Variants in SYNDIG1 observed in about 807,000 individuals in gnomAD.
SYNDIG1 encodes synapse differentiation inducing 1.
Under a neutral mutation model 19.4 loss-of-function variants are expected in SYNDIG1, and 9 were observed. That is an observed-to-expected ratio of 0.46 (90% CI 0.28 to 0.81). SYNDIG1 has a LOEUF of 0.81. Ranked by LOEUF, SYNDIG1 falls within the 30% of genes least tolerant of loss-of-function variation. The pLI, the probability that SYNDIG1 is intolerant of heterozygous loss-of-function variation, is 0.12. For synonymous variants in SYNDIG1, 141 were observed against 145.9 expected (o/e 0.97, Z 0.24); for missense variants, 311 against 343.3 (o/e 0.91, Z 0.74).
At chr20:24,596,283 C>T (rs1000713217) in intron 3 of SYNDIG1, among the ~76,000 whole-genome samples, 3 of 152,126 alleles carry the variant, frequency 2.0e-5, no homozygotes, top group Admixed American at 6.5e-5. Flanking sequence ...ATTTTCCTTG[C>T]ATTGATTTTT....
At chr20:24,554,620 G>A (rs1206494001) in intron 2 of SYNDIG1, among the ~76,000 whole-genome samples, 3 of 152,192 alleles carry the variant, frequency 2.0e-5, no homozygotes, top group Non-Finnish European at 2.9e-5. Context: ...TCATTTGCGT[G>A]TATTGAACCA....
At chr20:24,555,000 C>G (rs1368771013) in intron 2 of SYNDIG1, among the ~76,000 whole-genome samples, 2 of 152,274 alleles carry the variant, frequency 1.3e-5, no homozygotes, top group South Asian at 2.1e-4. Flanking sequence ...TTGGTCTATT[C>G]AGAGATTCAG....
intron 2 of SYNDIG1, among the ~76,000 whole-genome samples, chr20:24,550,272 G>A (rs139477099): frequency 4.1e-4 from 63 of 152,252 alleles, no homozygotes; most frequent in Admixed American, 1.2e-3. Flanking sequence ...TGGATATTGC[G>A]AATAGCACTG....
At chr20:24,660,731 G>T (rs1600841799) in intron 3 of SYNDIG1, among the ~76,000 whole-genome samples, 1 of 152,246 alleles carries the variant, frequency 6.6e-6, no homozygotes, top group East Asian at 1.9e-4. Context: ...GCTTCAGCCT[G>T]CTGGCACAGG....
intron 1 of SYNDIG1, among the ~76,000 whole-genome samples, chr20:24,470,899 C>T (rs1235654105): frequency 6.6e-6 from 1 of 151,918 alleles, no homozygotes; most frequent in Non-Finnish European, 1.5e-5. Flanking sequence ...ATGCCTGCGC[C>T]TTCCCTGGCC....
rs538548431 is a variant in SYNDIG1, at chr20:24,577,600, C to T, written c.481-7256C>T. Among the ~76,000 whole-genome samples the T allele has an allele frequency of 2.0e-5, 3 of 152,360 alleles. No homozygotes were observed. In the East Asian group the frequency reaches 5.8e-4, roughly 29 times the overall value. On this transcript the variant is annotated intron_variant, in intron 2 of 3. Coordinates refer to ENST00000376862, the MANE Select transcript of SYNDIG1 (RefSeq NM_024893.3). ...TGTGATGTGGACAGAGGGTATCTCG[C>T]TCCAGGCTGTCTGCCAAGACCAGAG...
chr20:24,566,521 C>A (rs765042534), intron 2 of SYNDIG1, among the ~76,000 whole-genome samples: 2 of 152,168 alleles, frequency 1.3e-5, no homozygotes, highest in Admixed American at 1.3e-4. Context: ...TGGTGTACAC[C>A]GTGGTCTTAA....
intron 3 of SYNDIG1, among the ~76,000 whole-genome samples, chr20:24,639,151 T>A (rs2059347089): frequency 6.6e-6 from 1 of 151,922 alleles, no homozygotes; most frequent in Non-Finnish European, 1.5e-5. Context: ...ACAGGAGGGG[T>A]GCACACAGAG....
intron 2 of SYNDIG1, among the ~76,000 whole-genome samples, chr20:24,554,213 A>G (rs921856480): frequency 2.4e-4 from 36 of 152,118 alleles, no homozygotes; most frequent in African/African-American, 7.7e-4. Context: ...GGGCTGAGAC[A>G]ATGGGGTTTT....
chr20:24,638,192 C>T (rs996136535), intron 3 of SYNDIG1, among the ~76,000 whole-genome samples: 3 of 152,200 alleles, frequency 2.0e-5, no homozygotes, highest in Admixed American at 2.0e-4. Flanking sequence ...AAGCTGGTCA[C>T]CCCAGTGACA....
rs56002733 is a variant in SYNDIG1 at position 24,512,108 on chromosome 20, AATATATATATATATATAT to A, written c.-78-30883_-78-30866del. Among the ~76,000 whole-genome samples, 83 of 76,550 alleles carry A rather than the reference AATATATATATATATATAT, an allele frequency of 1.1e-3. 1 individual carries two copies. In the South Asian group the frequency reaches 0.012, roughly 11 times the overall value. 50.2% of individuals were successfully genotyped at this position (76,550 alleles called of 152,430 possible). Reference sequence around the variant, plus strand: ...GCCATGAGGCACCATTGGTCTTTAAAATATATATATATATATATATATATATATATATATATATATATA... The same window carrying A: ...GCCATGAGGCACCATTGGTCTTTAAAATATATATATATATATATATATATA... On this transcript the variant is annotated intron_variant, in intron 1 of 3. Transcript: ENST00000376862.
intron 1 of SYNDIG1, among the ~76,000 whole-genome samples, chr20:24,532,753 C>A (rs1339035026): frequency 1.3e-5 from 2 of 152,246 alleles, no homozygotes; most frequent in Admixed American, 6.5e-5. Context: ...GTTTCGCCAG[C>A]TTTCCAACAG....
intron 2 of SYNDIG1, among the ~76,000 whole-genome samples, chr20:24,552,836 G>C (rs1332993637): frequency 6.6e-6 from 1 of 152,122 alleles, no homozygotes; most frequent in African/African-American, 2.4e-5. Flanking sequence ...GTAATGGGAT[G>C]GCTGGGTCAA....
chr20:24,556,053 T>TA (rs1409389383), intron 2 of SYNDIG1, among the ~76,000 whole-genome samples: 1 of 152,220 alleles, frequency 6.6e-6, no homozygotes, highest in African/African-American at 2.4e-5. Flanking sequence ...CCTTTACCGT[T>TA]ACGTAATGGC....
intron 3 of SYNDIG1, among the ~76,000 whole-genome samples, chr20:24,619,623 T>C (rs2059006740): frequency 6.6e-6 from 1 of 152,260 alleles, no homozygotes; most frequent in African/African-American, 2.4e-5. Flanking sequence ...AACCTTGCTA[T>C]ACATTGTATT....
intron 3 of SYNDIG1, among the ~76,000 whole-genome samples, chr20:24,626,381 T>G (rs2059135341): frequency 6.8e-6 from 1 of 147,756 alleles, no homozygotes; most frequent in African/African-American, 2.5e-5. Context: ...GCAGAGACGC[T>G]CCTCACCTCC....
chr20:24,547,867 G>A (rs777824945), intron 2 of SYNDIG1, among the ~76,000 whole-genome samples: 1 of 152,202 alleles, frequency 6.6e-6, no homozygotes, highest in Non-Finnish European at 1.5e-5. Context: ...TCCAGGTGCA[G>A]AGGCCTGACC....
intron 1 of SYNDIG1, 105 bp from the exon 2 acceptor site, chr20:24,542,915 G>A (rs2057495277): frequency 3.7e-6 from 3 of 817,714 alleles, no homozygotes; most frequent in Non-Finnish European, 5.6e-6. Flanking sequence ...CAGTTACTAT[G>A]CGTTTATCAG....
chr20:24,496,630 A>T (rs1185595648), intron 1 of SYNDIG1, among the ~76,000 whole-genome samples: 1 of 152,138 alleles, frequency 6.6e-6, no homozygotes, highest in African/African-American at 2.4e-5. Flanking sequence ...TAAAATGGGC[A>T]TCATAATTCA....
Sources: allele counts gnomAD v4.1 joint callset (sites outside exome capture counted in the v4.1 genomes callset), GRCh38; gene constraint gnomAD v4.1.1; transcripts MANE v1.5; gene names NCBI Gene and HGNC (gene_info 2026-07-23, HGNC 2026-07-21).